FREM1: variants seen among roughly 807,000 people sequenced by gnomAD.
FREM1 encodes FRAS1 related extracellular matrix 1.
A neutral mutation model predicts 210.1 loss-of-function variants in FREM1; 220 were observed. The ratio of observed to expected loss-of-function variants is 1.05; its 90% CI spans 0.94 to 1.17. The LOEUF (loss-of-function observed/expected upper bound fraction) is 1.17. Ranked by LOEUF, FREM1 falls within the 50% of genes most tolerant of loss-of-function variation. FREM1 has a pLI of 0.00. For missense variants in FREM1, 3,454 were observed against 2,675.5 expected (o/e 1.29, Z -6.42); for synonymous variants, 1,189 against 980.2 (o/e 1.21, Z -3.98).
intron 5 of FREM1, among the ~76,000 whole-genome samples, chr9:14,856,404 A>G (rs1057220921): frequency 5.3e-5 from 8 of 152,218 alleles, no homozygotes; most frequent in African/African-American, 1.9e-4. Flanking sequence ...TCTTAATTCT[A>G]TGATTTTGTT....
At chr9:14,738,467 G>C (rs962508259) in intron 36 of FREM1, among the ~76,000 whole-genome samples, 1 of 152,140 alleles carries the variant, frequency 6.6e-6, no homozygotes, top group Non-Finnish European at 1.5e-5. Flanking sequence ...GTGACATTCT[G>C]CCTAAGCATA....
chr9:14,877,946 C>G (rs1052909935), intron 1 of FREM1, among the ~76,000 whole-genome samples: 7 of 152,194 alleles, frequency 4.6e-5, no homozygotes, highest in Non-Finnish European at 1.0e-4. Flanking sequence ...CAAAACATAT[C>G]CAGAATCCAG....
chr9:14,806,019 G>A (rs369099066), intron 18 of FREM1, among the ~76,000 whole-genome samples: 1 of 152,244 alleles, frequency 6.6e-6, no homozygotes, highest in African/African-American at 2.4e-5. Context: ...GACCTTGTGA[G>A]CTCCCGCTAG....
chr9:14,803,315 T>TTCCTCTCCCCTCCCC (rs1817692063), intron 19 of FREM1, among the ~76,000 whole-genome samples: 1 of 96,208 alleles, frequency 1.0e-5, no homozygotes, highest in Non-Finnish European at 2.0e-5. Flanking sequence ...TCTTTTTCTT[T>TTCCTCTCCCCTCCCC]TCCCCTCCCC....
chr9:14,839,725 A>C (rs13299382), intron 10 of FREM1, among the ~76,000 whole-genome samples: 6 of 152,200 alleles, frequency 3.9e-5, no homozygotes, highest in Admixed American at 2.0e-4. Context: ...AAAATATATA[A>C]CAACGAAAGA....
intron 22 of FREM1, among the ~76,000 whole-genome samples, chr9:14,791,850 T>TTTG (rs1851396314): frequency 6.6e-6 from 1 of 152,138 alleles, no homozygotes; most frequent in Non-Finnish European, 1.5e-5. Flanking sequence ...TTTTGTTTTT[T>TTTG]AAGACGGAGT....
intron 27 of FREM1, among the ~76,000 whole-genome samples, chr9:14,764,954 T>C (rs1340896879): frequency 6.6e-6 from 1 of 152,142 alleles, no homozygotes; most frequent in East Asian, 1.9e-4. Flanking sequence ...CCTATAATAA[T>C]GTCATTATTA....
intron 10 of FREM1, among the ~76,000 whole-genome samples, chr9:14,837,733 A>T (rs541723385): frequency 2.0e-5 from 3 of 152,190 alleles, no homozygotes; most frequent in African/African-American, 7.2e-5. Context: ...GGGGGGAAAA[A>T]ATCATGACAC....
intron 1 of FREM1, among the ~76,000 whole-genome samples, chr9:14,878,663 G>T: frequency 6.6e-6 from 1 of 152,206 alleles, no homozygotes; most frequent in East Asian, 1.9e-4. Flanking sequence ...CCTAATATTA[G>T]TCACTGCCAT....
chr9:14,855,338 T>C (rs1338142398), intron 5 of FREM1, among the ~76,000 whole-genome samples: 2 of 152,108 alleles, frequency 1.3e-5, no homozygotes, highest in Non-Finnish European at 2.9e-5. Context: ...TTTGGGCTAT[T>C]TGGAAAAAAC....
chr9:14,745,775 C>T (rs1842306092), intron 35 of FREM1, among the ~76,000 whole-genome samples: 1 of 152,174 alleles, frequency 6.6e-6, no homozygotes, highest in South Asian at 2.1e-4. Context: ...TTTTTAAAGT[C>T]CTTCTGGACT....
At chr9:14,854,080 T>C (rs1346845957) in intron 5 of FREM1, among the ~76,000 whole-genome samples, 4 of 152,284 alleles carry the variant, frequency 2.6e-5, no homozygotes, top group South Asian at 4.1e-4. Flanking sequence ...TCATCATACA[T>C]AGGAAGGAGC....
At chr9:14,833,070 CAT>C (rs1053162481) in intron 10 of FREM1, among the ~76,000 whole-genome samples, 18 of 152,092 alleles carry the variant, frequency 1.2e-4, no homozygotes, top group African/African-American at 4.3e-4. Flanking sequence ...TAGTCTCTGC[CAT>C]TTTACCGTGG....
At chr9:14,844,273 T>C (rs2642403) in intron 8 of FREM1, among the ~76,000 whole-genome samples, 101,833 of 150,448 alleles carry the variant, frequency 0.68, 34,501 homozygotes, top group South Asian at 0.74. Context: ...TCGCCCAGGC[T>C]GGAGTGCAGT....
rs372699811 is a variant in FREM1, at chr9:14,868,908, T to C, written c.70A>G (p.Thr24Ala). 65 of 1,605,060 alleles carry C rather than the reference T, an allele frequency of 4.0e-5. No individual in the cohort carries two copies. In the African/African-American group the frequency reaches 6.0e-4, roughly 15 times the overall value. The change falls in exon 2 of 37, where the codon ACC (threonine) becomes GCC (alanine). Residue 24 changes from threonine to alanine, a missense_variant. Coordinates refer to ENST00000380880, the MANE Select transcript of FREM1 (RefSeq NM_001379081.2). ...ACCCCGCGGTTGATGCTGATGAAGG[T>C]GGGGCTGGCCCAGGCCAGGAGGAGC... ...LLLLLAWASP[T>A]FISINRGVRV...
intron 16 of FREM1, among the ~76,000 whole-genome samples, chr9:14,810,600 A>G (rs1819222160): frequency 1.3e-5 from 2 of 152,140 alleles, no homozygotes; most frequent in South Asian, 4.1e-4. Flanking sequence ...AGATAATGTT[A>G]ATTGGGGAAT....
At position 14,805,119 on chromosome 9, in the gene FREM1, T is replaced by G. The variant is rs1349164226; in HGVS notation, c.3308A>C (p.His1103Pro). 6.3e-7 allele frequency: 1 copy of G among 1,592,242 alleles called. No homozygotes were observed. Among genetic ancestry groups the G allele is most frequent in the Admixed American group, 1.7e-5 (1 of 58,190 alleles). The stretch of plus-strand genomic sequence containing the variant: ...ATGCCTGGACTGCACATAGTTAATG[T>G]GAAAAGCGTTCATGTCTTTCCACTG... ...SFQWKDMNAFHINYVQSRHLR... is the reference protein window; with the variant it reads ...SFQWKDMNAFPINYVQSRHLR... The change falls in exon 19 of 37, where the codon CAC (histidine) becomes CCC (proline). Residue 1103 changes from histidine (H) to proline (P), a missense_variant. His to Pro is a moderately conservative substitution (Grantham distance 77). Transcript: ENST00000380880.
chr9:14,860,585 A>ATGTGTG (rs1564099287), intron 3 of FREM1, among the ~76,000 whole-genome samples: 1 of 124,694 alleles, frequency 8.0e-6, no homozygotes, highest in African/African-American at 3.9e-5. Flanking sequence ...ATATATACAC[A>ATGTGTG]TATATATACA....
intron 3 of FREM1, 146 bp from the exon 4 acceptor site, chr9:14,859,630 G>A: frequency 1.1e-5 from 7 of 663,720 alleles, no homozygotes; most frequent in Non-Finnish European, 1.8e-5. Flanking sequence ...TCTACTCCCA[G>A]CCTCTCTGTT....
Sources: gnomAD v4.1 joint callset for allele counts (sites outside exome capture counted in the v4.1 genomes callset) on GRCh38, gnomAD v4.1.1 for gene constraint, MANE v1.5 for transcripts, NCBI Gene and HGNC (gene_info 2026-07-23, HGNC 2026-07-21) for gene names.